Variants in PDSS1 observed in about 807,000 individuals in gnomAD.
The protein encoded by PDSS1 is all trans-polyprenyl-diphosphate synthase PDSS1.
Under a neutral mutation model 57.5 loss-of-function variants are expected in PDSS1, and 43 were observed. That is an observed-to-expected ratio of 0.75 (90% CI 0.59 to 0.96). PDSS1 has a LOEUF of 0.96. Among genes scored for constraint, PDSS1 ranks in the 50% least tolerant of loss-of-function variants. The pLI, the probability that PDSS1 is intolerant of heterozygous loss-of-function variation, is 0.00. For missense variants in PDSS1, 438 were observed against 527.8 expected (o/e 0.83, Z 1.67); for synonymous variants, 175 against 191.3 (o/e 0.91, Z 0.70).
In PDSS1 at chr10:26,735,525, A is replaced by G; in HGVS notation, c.972A>G (p.Ser324=). 6.2e-7 allele frequency: 1 copy of G among 1,614,118 alleles called. No individual in the cohort carries two copies. Among genetic ancestry groups the G allele is most frequent in the Non-Finnish European group, 8.5e-7 (1 of 1,179,952 alleles). ...SCSDQMGKPT[S]ADLKLGLATG... is the part of the protein sequence containing the mutation. ...CTGACCAGATGGGCAAACCAACATC[A>G]GCTGATCTGAAGCTCGGGTTAGCCA... The change falls in exon 10 of 12, where the codon TCA becomes TCG. Residue 324 remains serine, a synonymous_variant. Transcript: ENST00000376215.
intron 1 of PDSS1, among the ~76,000 whole-genome samples, chr10:26,701,428 C>T (rs1214982119): frequency 6.6e-6 from 1 of 152,172 alleles, no homozygotes; most frequent in African/African-American, 2.4e-5. Flanking sequence ...ATGGGCTGGG[C>T]CCAGGGCCCT....
chr10:26,731,530 G>C (rs1836198404), intron 8 of PDSS1, among the ~76,000 whole-genome samples: 1 of 152,128 alleles, frequency 6.6e-6, no homozygotes, highest in African/African-American at 2.4e-5. Context: ...TGTGAGAGGA[G>C]TGCCTGCAGG....
chr10:26,699,643 C>T (rs1053186559), intron 1 of PDSS1, among the ~76,000 whole-genome samples: 2 of 152,148 alleles, frequency 1.3e-5, no homozygotes. Flanking sequence ...GATCCACCCC[C>T]TCCTCGGCCT....
Position 26,729,904 on chromosome 10 carries a change from C to CTTT in PDSS1, c.832-5312_832-5310dup, listed in dbSNP as rs71403886. Among the ~76,000 whole-genome samples the CTTT allele has an allele frequency of 5.7e-4, 43 of 75,330 alleles. 5 individuals are homozygous for CTTT. The highest frequency in any genetic ancestry group is 8.0e-4 in the Non-Finnish European group (33 of 41,294). The allele number at this position is 75,330 out of a possible 152,430, so 49.4% of individuals were successfully genotyped here. A position where few individuals can be genotyped will look rare whatever the true frequency, so the allele number is the denominator to read the frequency against. ...GCATAAATGGGTTAATAGTTGGTTC[C>CTTT]TTTTTTTTTTTTTTTTTTTTTTTTT... is the stretch of plus-strand genomic sequence containing the variant. On this transcript the variant is annotated intron_variant, in intron 8 of 11. Transcript: ENST00000376215.
Position 26,724,015 on chromosome 10 carries a change from T to C in PDSS1, c.723T>C (p.Gly241=). ...AATGACTCCTTTCCTTCTTTATAGGTGAATTTCTTCAGCTCGGGTCAAAAG... is the reference window on the plus strand; with the variant it reads ...AATGACTCCTTTCCTTCTTTATAGGCGAATTTCTTCAGCTCGGGTCAAAAG... ...LTQVIEDLVR[G]EFLQLGSKEN... The change falls in exon 8 of 12, where the codon GGT becomes GGC. Residue 241 remains glycine (G), a splice_region_variant and synonymous_variant. Coordinates refer to ENST00000376215, the MANE Select transcript of PDSS1 (RefSeq NM_014317.5). 1 of 1,612,728 alleles carries C rather than the reference T, an allele frequency of 6.2e-7. No individual in the cohort carries two copies. The highest frequency in any genetic ancestry group is 8.5e-7 in the Non-Finnish European group (1 of 1,178,738).
Position 26,703,372 on chromosome 10 carries a change from G to A in PDSS1, c.162+1178G>A, listed in dbSNP as rs149567254. On this transcript the variant is annotated intron_variant, in intron 2 of 11. Transcript: ENST00000376215. ...ACTAATCATAGTTATTTGGTCAAGC[G>A]CAGTGACTCACGTCTGTAATTCCAG... is the stretch of plus-strand genomic sequence containing the variant. 3.8e-4 allele frequency among the ~76,000 whole-genome samples: 58 copies of A among 152,230 alleles called. No individual in the cohort carries two copies. In the East Asian group the frequency reaches 7.1e-3, roughly 19 times the overall value.
chr10:26,716,407 T>A (rs7896869), intron 5 of PDSS1, among the ~76,000 whole-genome samples: 3,116 of 150,688 alleles, frequency 0.021, 109 homozygotes, highest in African/African-American at 0.07. Flanking sequence ...ATTAAAAAAA[T>A]TTTTTTGGCC....
At chr10:26,730,414 A>G (rs1314318208) in intron 8 of PDSS1, among the ~76,000 whole-genome samples, 1 of 151,728 alleles carries the variant, frequency 6.6e-6, no homozygotes, top group Non-Finnish European at 1.5e-5. Context: ...GTTTGAGACC[A>G]GCCTGGGCAA....
intron 8 of PDSS1, chr10:26,734,515 GT>G (rs1391392507): frequency 8.0e-5 from 29 of 362,482 alleles, no homozygotes; most frequent in Admixed American, 6.6e-4. Context: ...GCTTTTTGGA[GT>G]TTTAAAAAGA....
chr10:26,707,196 TC>T (rs1203261215), intron 4 of PDSS1, among the ~76,000 whole-genome samples: 2 of 152,164 alleles, frequency 1.3e-5, no homozygotes, highest in Non-Finnish European at 2.9e-5. Flanking sequence ...GAGGCATTCT[TC>T]CCATACCAGT....
chr10:26,721,612 G>A (rs540682964), intron 6 of PDSS1, among the ~76,000 whole-genome samples: 1 of 152,264 alleles, frequency 6.6e-6, no homozygotes, highest in South Asian at 2.1e-4. Context: ...ACATCAGAAT[G>A]TTGGCCAAAA....
At chr10:26,704,303 A>G (rs1183643374) in intron 2 of PDSS1, among the ~76,000 whole-genome samples, 1 of 152,066 alleles carries the variant, frequency 6.6e-6, no homozygotes, top group African/African-American at 2.4e-5. Flanking sequence ...GTGTTTGTAT[A>G]AATATAAATT....
Position 26,742,287 on chromosome 10 carries a change from A to ACAC in PDSS1, c.1027-203_1027-201dup, listed in dbSNP as rs1358792035. Among the ~76,000 whole-genome samples, 9 of 152,374 alleles carry ACAC rather than the reference A, an allele frequency of 5.9e-5. No homozygotes were observed. The South Asian group carries it at 1.9e-3, about 32-fold the overall frequency. ...AAGGACTAATGTCTTCTCCTCCCATACACCACCACAGTGCCTAGGCATAGA... is the reference window on the plus strand; with the variant it reads ...AAGGACTAATGTCTTCTCCTCCCATACACCACCACCACAGTGCCTAGGCATAGA... On this transcript the variant is annotated intron_variant, in intron 10 of 11. Coordinates refer to ENST00000376215, the MANE Select transcript of PDSS1 (RefSeq NM_014317.5).
chr10:26,723,093 G>A (rs1464262554), intron 6 of PDSS1, among the ~76,000 whole-genome samples: 1 of 152,126 alleles, frequency 6.6e-6, no homozygotes, highest in Non-Finnish European at 1.5e-5. Context: ...CCACTGCCCT[G>A]GGAGCATAGA....
At chr10:26,727,991 T>A (rs936573452) in intron 8 of PDSS1, among the ~76,000 whole-genome samples, 1 of 152,164 alleles carries the variant, frequency 6.6e-6, no homozygotes, top group Non-Finnish European at 1.5e-5. Context: ...TGTCCTCAGC[T>A]CCTCATACCA....
intron 5 of PDSS1, among the ~76,000 whole-genome samples, chr10:26,713,476 C>T (rs1002313603): frequency 6.6e-6 from 1 of 151,956 alleles, no homozygotes; most frequent in African/African-American, 2.4e-5. Flanking sequence ...TACTAGATTA[C>T]GGGGAGTTCT....
intron 6 of PDSS1, among the ~76,000 whole-genome samples, chr10:26,722,823 T>C (rs900022999): frequency 3.9e-5 from 6 of 152,134 alleles, no homozygotes; most frequent in African/African-American, 1.2e-4. Context: ...AACTAGTTGC[T>C]AATACAGTGT....
intron 10 of PDSS1, among the ~76,000 whole-genome samples, chr10:26,739,164 G>A (rs565093909): frequency 3.0e-4 from 46 of 152,234 alleles, no homozygotes; most frequent in Non-Finnish European, 5.9e-4. Context: ...TTATGCTATC[G>A]TGGTGACTAG....
chr10:26,737,290 G>A (rs1490306862), intron 10 of PDSS1, among the ~76,000 whole-genome samples: 2 of 152,064 alleles, frequency 1.3e-5, no homozygotes, highest in African/African-American at 4.8e-5. Flanking sequence ...TGGCCTCTTC[G>A]GACTGTGTTT....
Sources: gnomAD v4.1 joint callset for allele counts (sites outside exome capture counted in the v4.1 genomes callset) on GRCh38, gnomAD v4.1.1 for gene constraint, MANE v1.5 for transcripts, NCBI Gene and HGNC (gene_info 2026-07-23, HGNC 2026-07-21) for gene names.